CST1: variants seen among roughly 807,000 people sequenced by gnomAD.
CST1 encodes cystatin SN, also known as cystatin-SN.
A neutral mutation model predicts 10.7 loss-of-function variants in CST1; 19 were observed. The ratio of observed to expected loss-of-function variants is 1.78; its 90% CI spans 1.24 to 2.61. The LOEUF is 2.61. Ranked by LOEUF, CST1 falls within the 30% of genes most tolerant of loss-of-function variation. The pLI, the probability that CST1 is intolerant of heterozygous loss-of-function variation, is 0.00. For synonymous variants in CST1, 95 were observed against 72.8 expected (o/e 1.31, Z -1.55); for missense variants, 247 against 178.1 (o/e 1.39, Z -2.20).
intron 2 of CST1, among the ~76,000 whole-genome samples, chr20:23,748,349 C>T (rs4528835): frequency 0.35 from 53,294 of 151,800 alleles, 10,514 homozygotes; most frequent in African/African-American, 0.54. Context: ...GTGTGGCTCT[C>T]CCCTGAGTGG....
rs752907397 is a variant in CST1 at position 23,750,715 on chromosome 20, G to T, written c.152C>A (p.Ala51Asp). ...GGTGGCCTTGTTATACTCGCTGATGGCGAAGTGAAGGGCACGCTGTACCCA... is the reference window on the plus strand; with the variant it reads ...GGTGGCCTTGTTATACTCGCTGATGTCGAAGTGAAGGGCACGCTGTACCCA... Reference protein sequence around the residue: ...DEWVQRALHFAISEYNKATKD... With the variant: ...DEWVQRALHFDISEYNKATKD... The change falls in exon 1 of 3, where the codon GCC (alanine) becomes GAC (aspartate). Residue 51 changes from alanine (A) to aspartate (D), a missense_variant. Ala to Asp is a moderately radical substitution (Grantham distance 126). Coordinates refer to ENST00000304749, the MANE Select transcript of CST1 (RefSeq NM_001898.3). 1 of 1,614,148 alleles carries T rather than the reference G, an allele frequency of 6.2e-7. No homozygotes were observed. Among genetic ancestry groups the T allele is most frequent in the Non-Finnish European group, 8.5e-7 (1 of 1,180,016 alleles).
At chr20:23,748,001 A>C in intron 2 of CST1, 102 bp from the exon 3 acceptor site, 1 of 1,165,598 alleles carries the variant, frequency 8.6e-7, no homozygotes, top group Non-Finnish European at 1.3e-6. Flanking sequence ...GATGGAGGTG[A>C]GACACTGGGC....
At chr20:23,748,013 C>T (rs987567812) in intron 2 of CST1, 114 bp from the exon 3 acceptor site, 7 of 984,386 alleles carry the variant, frequency 7.1e-6, no homozygotes, top group African/African-American at 4.8e-5. Context: ...ACACTGGGCC[C>T]TCACCCACCC....
At chr20:23,748,850 G>A (rs1262187399) in intron 2 of CST1, among the ~76,000 whole-genome samples, 166 bp downstream of exon 2, 2 of 151,386 alleles carry the variant, frequency 1.3e-5, no homozygotes, top group Non-Finnish European at 2.9e-5. Context: ...ACACCTACAT[G>A]CACACCCCCC....
chr20:23,750,601 C>T lies in CST1; in HGVS notation c.228+38G>A, dbSNP rs762286502. 1.4e-5 allele frequency: 22 copies of T among 1,597,598 alleles called. No homozygotes were observed. The Middle Eastern group carries it at 7.1e-4, about 52-fold the overall frequency. On this transcript the variant is annotated intron_variant, in intron 1 of 2. Coordinates refer to ENST00000304749, the MANE Select transcript of CST1 (RefSeq NM_001898.3). ...CTTGGGGGTTGGGGAACAAACCAGG[C>T]TGGGACCCAGGACCCCTGGGGTGGA...
intron 1 of CST1, 129 bp downstream of exon 1, chr20:23,750,510 A>G: frequency 1.1e-6 from 1 of 892,728 alleles, no homozygotes; most frequent in East Asian, 2.6e-5. Context: ...GCGGAGAGCC[A>G]GGGAAAGCTG....
At chr20:23,748,995 G>A (rs1341411716) in intron 2 of CST1, 21 bp downstream of exon 2, 1 of 1,614,058 alleles carries the variant, frequency 6.2e-7, no homozygotes, top group South Asian at 1.1e-5. Context: ...GACTGGCCCG[G>A]GACCTGCATC....
At chr20:23,749,971 T>C (rs1303873932) in intron 1 of CST1, among the ~76,000 whole-genome samples, 1 of 151,384 alleles carries the variant, frequency 6.6e-6, no homozygotes, top group East Asian at 1.9e-4. Flanking sequence ...CTAAAGACTG[T>C]GTCACTATTT....
chr20:23,750,476 C>T (rs894141187), intron 1 of CST1, among the ~76,000 whole-genome samples, 163 bp downstream of exon 1: 10 of 152,296 alleles, frequency 6.6e-5, no homozygotes, highest in East Asian at 3.9e-4. Context: ...GGCCGGGGAG[C>T]GTGCTTAGGC....
rs1242632448 is a variant in CST1, at chr20:23,750,545, A to C, written c.228+94T>G. On this transcript the variant is annotated intron_variant, in intron 1 of 2. Coordinates refer to ENST00000304749, the MANE Select transcript of CST1 (RefSeq NM_001898.3). ...GAATGAATCTGAGCATTAGATCATG[A>C]ATGTATCAGTGTTGATTTGCTGGGA... 10 of 1,108,686 alleles carry C rather than the reference A, an allele frequency of 9.0e-6. No individual in the cohort carries two copies. The East Asian group carries it at 2.1e-4, about 24-fold the overall frequency. 68.7% of individuals were successfully genotyped at this position (1,108,686 alleles called of 1,614,324 possible).
Position 23,747,780 on chromosome 20 carries a change from G to T in CST1, c.*36C>A. The T allele has an allele frequency of 6.3e-7, 1 of 1,597,732 alleles. No homozygotes were observed. Among genetic ancestry groups the T allele is most frequent in the Non-Finnish European group, 8.6e-7 (1 of 1,165,910 alleles). On this transcript the variant is annotated 3_prime_UTR_variant, in exon 3 of 3. Transcript: ENST00000304749. The stretch of plus-strand genomic sequence containing the variant: ...TGGGAGCACTACAGGGGGTGGGAGT[G>T]GGTGGTGGCTGGTGCGAATGGCCTG...
intron 1 of CST1, among the ~76,000 whole-genome samples, chr20:23,749,640 A>G (rs1193844534): frequency 6.6e-6 from 1 of 152,046 alleles, no homozygotes; most frequent in Non-Finnish European, 1.5e-5. Context: ...TTCCCTGCAT[A>G]GGGCCTTTCC....
intron 1 of CST1, 67 bp downstream of exon 1, chr20:23,750,572 T>C (rs1281030698): frequency 7.2e-7 from 1 of 1,384,936 alleles, no homozygotes; most frequent in Non-Finnish European, 1.0e-6. Flanking sequence ...TTGCTGGGAA[T>C]GCTCTTGGGG....
At chr20:23,750,576 C>G in intron 1 of CST1, 63 bp downstream of exon 1, 1 of 1,442,932 alleles carries the variant, frequency 6.9e-7, no homozygotes, top group Non-Finnish European at 9.7e-7. Context: ...TGGGAATGCT[C>G]TTGGGGGTTG....
Position 23,750,626 on chromosome 20 carries a change from A to G in CST1, c.228+13T>C. 1.9e-6 allele frequency: 3 copies of G among 1,613,168 alleles called. No individual in the cohort carries two copies. The South Asian group carries it at 3.3e-5, about 18-fold the overall frequency. On this transcript the variant is annotated intron_variant, in intron 1 of 2. Transcript: ENST00000304749. ...CTGGGACCCAGGACCCCTGGGGTGG[A>G]GGGAGCACCTACCTGTTGCCTGGCT...
Position 23,750,691 on chromosome 20 carries a change from G to A in CST1, c.176C>T (p.Thr59Ile), listed in dbSNP as rs548281880. ...CGGACGTCTGTAGTAGTCATCTTTGGTGGCCTTGTTATACTCGCTGATGGC... is the reference window on the plus strand; with the variant it reads ...CGGACGTCTGTAGTAGTCATCTTTGATGGCCTTGTTATACTCGCTGATGGC... ...HFAISEYNKATKDDYYRRPLR... is the reference protein window; with the variant it reads ...HFAISEYNKAIKDDYYRRPLR... Residue 59 changes from threonine (T) to isoleucine (I), a missense_variant, in exon 1 of 3, where the codon ACC (threonine) becomes ATC (isoleucine). Transcript: ENST00000304749. 4.3e-6 allele frequency: 7 copies of A among 1,614,124 alleles called. No homozygotes were observed. Among genetic ancestry groups the A allele is most frequent in the Middle Eastern group, 1.7e-4 (1 of 6,018 alleles).
chr20:23,747,739 G>C lies in CST1; in HGVS notation c.*77C>G. The C allele has an allele frequency of 2.1e-6, 3 of 1,431,992 alleles. No homozygotes were observed. The highest frequency in any genetic ancestry group is 1.9e-6 in the Non-Finnish European group (2 of 1,030,404). The allele number at this position is 1,431,992 out of a possible 1,614,324, so 88.7% of individuals were successfully genotyped here. A position where few individuals can be genotyped will look rare whatever the true frequency, so the allele number is the denominator to read the frequency against. On this transcript the variant is annotated 3_prime_UTR_variant, in exon 3 of 3. Coordinates refer to ENST00000304749, the MANE Select transcript of CST1 (RefSeq NM_001898.3). The stretch of plus-strand genomic sequence containing the variant: ...TGGGGAGGCCTCCCGCAGGGTGGGG[G>C]CCACCAGTCCAGGGGTGGGAGCACT...
At chr20:23,748,876 A>G (rs560184964) in intron 2 of CST1, 140 bp downstream of exon 2, 101 of 653,820 alleles carry the variant, frequency 1.5e-4, no homozygotes, top group Admixed American at 8.6e-4. Context: ...GTACATGAAC[A>G]CGTACACATC....
intron 1 of CST1, 72 bp downstream of exon 1, chr20:23,750,567 G>A (rs181906092): frequency 1.5e-6 from 2 of 1,336,682 alleles, no homozygotes; most frequent in African/African-American, 1.4e-5. Flanking sequence ...TTGATTTGCT[G>A]GGAATGCTCT....
Sources: allele counts gnomAD v4.1 joint callset (sites outside exome capture counted in the v4.1 genomes callset), GRCh38; gene constraint gnomAD v4.1.1; transcripts MANE v1.5; gene names NCBI Gene and HGNC (gene_info 2026-07-23, HGNC 2026-07-21).